Variants in PHLPP2 observed in about 807,000 individuals in gnomAD.
PHLPP2 encodes PH domain leucine-rich repeat-containing protein phosphatase 2.
PHLPP2 carries 66 observed loss-of-function variants against 124.9 expected under a neutral mutation model. That is an observed-to-expected ratio of 0.53 (90% CI 0.43 to 0.65). The LOEUF (loss-of-function observed/expected upper bound fraction) is 0.65. Ranked by LOEUF, PHLPP2 falls within the 30% of genes least tolerant of loss-of-function variation. The probability of loss-of-function intolerance (pLI) is 0.00; values close to 1 mark genes in which losing one functional copy is unlikely to be tolerated. For synonymous variants in PHLPP2, 681 were observed against 624.7 expected (o/e 1.09, Z -1.34); for missense variants, 1,685 against 1,600.4 (o/e 1.05, Z -0.90).
At chr16:71,702,985 T>C (rs747035987) in intron 2 of PHLPP2, among the ~76,000 whole-genome samples, 11 of 152,086 alleles carry the variant, frequency 7.2e-5, no homozygotes, top group Non-Finnish European at 1.3e-4. Flanking sequence ...CAATGTCTAT[T>C]ACCCCACACT....
At chr16:71,660,545 C>A (rs990963392) in intron 13 of PHLPP2, among the ~76,000 whole-genome samples, 8 of 150,786 alleles carry the variant, frequency 5.3e-5, no homozygotes, top group African/African-American at 1.7e-4. Context: ...CCTGTCTCAG[C>A]CTCCCAAGTA....
intron 1 of PHLPP2, among the ~76,000 whole-genome samples, chr16:71,716,611 CCTA>C (rs964941093): frequency 6.6e-6 from 1 of 152,156 alleles, no homozygotes; most frequent in African/African-American, 2.4e-5. Context: ...AGCTTCGTTC[CCTA>C]CTACTGCCCT....
rs148712567 is a variant in PHLPP2 at position 71,649,322 on chromosome 16, C to T, written c.3540G>A (p.Glu1180=). Residue 1180 remains glutamate (E), a synonymous_variant, in exon 19 of 19, where the codon GAG becomes GAA. Coordinates refer to ENST00000568954, the MANE Select transcript of PHLPP2 (RefSeq NM_015020.3). ...DIHCCRGRDL[E]NSPPLIESSP... ...AACTCTCTATGAGAGGGGGTGAGTTCTCCAGATCCCTCCCCCTGCAGCAGT... is the reference window on the plus strand; with the variant it reads ...AACTCTCTATGAGAGGGGGTGAGTTTTCCAGATCCCTCCCCCTGCAGCAGT... 15 of 1,613,836 alleles carry T rather than the reference C, an allele frequency of 9.3e-6. No individual in the cohort carries two copies. The East Asian group carries it at 3.3e-4, about 36-fold the overall frequency.
In PHLPP2 at chr16:71,702,713, T is replaced by G. The variant is rs2045243663; in HGVS notation, c.303A>C (p.Glu101Asp). 1 of 1,607,256 alleles carries G rather than the reference T, an allele frequency of 6.2e-7. No individual in the cohort carries two copies. Among genetic ancestry groups the G allele is most frequent in the Non-Finnish European group, 8.5e-7 (1 of 1,175,494 alleles). ...GDLVRRLEPTERPLQIVYDYL... is the reference protein window; with the variant it reads ...GDLVRRLEPTDRPLQIVYDYL... The stretch of plus-strand genomic sequence containing the variant: ...AATCATAAACGATCTGAAGAGGTCG[T>G]TCAGTAGGTTCCAGTCTCCTGATTA... Residue 101 changes from glutamate (E) to aspartate (D), a missense_variant, in exon 3 of 19, where the codon GAA (glutamate) becomes GAC (aspartate). Glu to Asp is a conservative substitution (Grantham distance 45). Coordinates refer to ENST00000568954, the MANE Select transcript of PHLPP2 (RefSeq NM_015020.3).
intron 2 of PHLPP2, among the ~76,000 whole-genome samples, chr16:71,704,708 G>T (rs2045261108): frequency 6.6e-6 from 1 of 152,140 alleles, no homozygotes; most frequent in Non-Finnish European, 1.5e-5. Context: ...AAACTTTTCA[G>T]ATTATGTAGA....
intron 7 of PHLPP2, 141 bp downstream of exon 7, chr16:71,679,248 T>C (rs1173883584): frequency 2.4e-4 from 178 of 748,328 alleles, no homozygotes; most frequent in Non-Finnish European, 9.7e-5. Flanking sequence ...ATCTCTGAGG[T>C]CAAAAACTGC....
rs1300614766 is a variant in PHLPP2 at position 71,690,664 on chromosome 16, C to T, written c.464G>A (p.Gly155Asp). ...CTTTCCCTTGCGTACATTATAGATG[C>T]CAGACAATAGGATTCGATCCAAACG... ...MDRLDRILLSGIYNVRKGKTQ... is the reference protein window; with the variant it reads ...MDRLDRILLSDIYNVRKGKTQ... Residue 155 changes from glycine (G) to aspartate (D), a missense_variant, in exon 4 of 19, where the codon GGC becomes GAC. Physicochemically the swap from Gly to Asp is moderately conservative, Grantham distance 94. Coordinates refer to ENST00000568954, the MANE Select transcript of PHLPP2 (RefSeq NM_015020.3). 1 of 1,613,728 alleles carries T rather than the reference C, an allele frequency of 6.2e-7. No individual in the cohort carries two copies. Among genetic ancestry groups the T allele is most frequent in the East Asian group, 2.2e-5 (1 of 44,882 alleles).
intron 13 of PHLPP2, among the ~76,000 whole-genome samples, chr16:71,659,759 A>C (rs1407825738): frequency 6.6e-6 from 1 of 152,220 alleles, no homozygotes; most frequent in Non-Finnish European, 1.5e-5. Context: ...GTTATTACAA[A>C]TAGTTCTAAT....
rs777823662 is a variant in PHLPP2, at chr16:71,718,924, T to C, written c.-6-4123A>G. On this transcript the variant is annotated intron_variant, in intron 1 of 18. Transcript: ENST00000568954. ...GCAAAGCAAAGGCTTACAGCAACAA[T>C]CTAGATGGACTGTTTAGCTGTTATT... is the stretch of plus-strand genomic sequence containing the variant. 2.8e-4 allele frequency among the ~76,000 whole-genome samples: 42 copies of C among 152,192 alleles called. 1 individual carries two copies. Among genetic ancestry groups the C allele is most frequent in the Non-Finnish European group, 2.4e-4 (16 of 68,016 alleles).
chr16:71,670,721 CG>C (rs2044885207), intron 10 of PHLPP2, among the ~76,000 whole-genome samples: 1 of 151,064 alleles, frequency 6.6e-6, no homozygotes, highest in Non-Finnish European at 1.5e-5. Flanking sequence ...CACACACACA[CG>C]AGAGGAGGGG....
intron 7 of PHLPP2, 100 bp downstream of exon 7, chr16:71,679,289 A>G: frequency 2.9e-6 from 3 of 1,040,582 alleles, no homozygotes; most frequent in Admixed American, 1.9e-5. Context: ...AGTACATGAT[A>G]TAGTTCACTG....
chr16:71,721,671 G>A (rs2045399558), intron 1 of PHLPP2, among the ~76,000 whole-genome samples: 1 of 148,706 alleles, frequency 6.7e-6, no homozygotes. Flanking sequence ...AACTGTTCTT[G>A]AAAAAAAAAA....
At chr16:71,656,729 CA>C in intron 15 of PHLPP2, 48 bp from the exon 16 acceptor site, 1 of 1,059,514 alleles carries the variant, frequency 9.4e-7, no homozygotes, top group Non-Finnish European at 1.4e-6. Context: ...CTGTATTTTA[CA>C]AAAACTATCC....
Position 71,674,992 on chromosome 16 carries a change from G to A in PHLPP2, c.1471+1455C>T, listed in dbSNP as rs150412809. Among the ~76,000 whole-genome samples the A allele has an allele frequency of 3.5e-4, 53 of 152,302 alleles. No homozygotes were observed. In the Middle Eastern group the frequency reaches 0.02, roughly 59 times the overall value. ...AGCCTGGGCAACAGAGCTAGACTCCGTCTCAAAATCCTACTTTTTCATGCT... is the reference window on the plus strand; with the variant it reads ...AGCCTGGGCAACAGAGCTAGACTCCATCTCAAAATCCTACTTTTTCATGCT... On this transcript the variant is annotated intron_variant, in intron 9 of 18. Coordinates refer to ENST00000568954, the MANE Select transcript of PHLPP2 (RefSeq NM_015020.3).
intron 3 of PHLPP2, among the ~76,000 whole-genome samples, chr16:71,698,232 G>A (rs773028356): frequency 3.0e-4 from 46 of 152,184 alleles, no homozygotes; most frequent in Non-Finnish European, 5.9e-4. Context: ...CTTGTCCAGA[G>A]GGCCACTACT....
chr16:71,674,868 A>G (rs1157701419), intron 9 of PHLPP2, among the ~76,000 whole-genome samples: 1 of 152,068 alleles, frequency 6.6e-6, no homozygotes, highest in African/African-American at 2.4e-5. Flanking sequence ...ATGGTGGCAC[A>G]CTCCTGTAAT....
intron 3 of PHLPP2, among the ~76,000 whole-genome samples, chr16:71,694,354 A>G (rs1413119815): frequency 1.3e-5 from 2 of 149,912 alleles, no homozygotes; most frequent in African/African-American, 2.5e-5. Context: ...CCAGCTACTC[A>G]GGAGGCTGAG....
At chr16:71,714,437 A>T in intron 2 of PHLPP2, 75 bp downstream of exon 2, 1 of 1,440,214 alleles carries the variant, frequency 6.9e-7, no homozygotes. Context: ...TTAAAATCCT[A>T]AAGTCCAGTT....
chr16:71,702,053 C>A (rs1314992235), intron 3 of PHLPP2, among the ~76,000 whole-genome samples: 1 of 152,094 alleles, frequency 6.6e-6, no homozygotes, highest in Non-Finnish European at 1.5e-5. Flanking sequence ...AGATAAGAAG[C>A]ATGTTACTGT....
Sources: allele counts gnomAD v4.1 joint callset (sites outside exome capture counted in the v4.1 genomes callset), GRCh38; gene constraint gnomAD v4.1.1; transcripts MANE v1.5; gene names NCBI Gene and HGNC (gene_info 2026-07-23, HGNC 2026-07-21).